LRRN2: variants seen among roughly 807,000 people sequenced by gnomAD.
LRRN2 encodes leucine rich repeat neuronal 2.
In LRRN2, 10 loss-of-function variants were observed where a neutral mutation model predicts 35.7. The ratio of observed to expected loss-of-function variants is 0.28; its 90% CI spans 0.17 to 0.47. The LOEUF is 0.47. Among genes scored for constraint, LRRN2 ranks in the 20% least tolerant of loss-of-function variants. The pLI, the probability that LRRN2 is intolerant of heterozygous loss-of-function variation, is 0.99. For missense variants in LRRN2, 731 were observed against 940.3 expected, an observed-to-expected ratio of 0.78 and a Z score of 2.91; for synonymous variants, 391 against 409.6, an observed-to-expected ratio of 0.95 and a Z score of 0.55.
At chr1:204,681,113 C>T (rs535247147) in intron 1 of LRRN2, among the ~76,000 whole-genome samples, 9 of 152,220 alleles carry the variant, frequency 5.9e-5, no homozygotes, top group Admixed American at 2.6e-4. Flanking sequence ...TGTGCCACCA[C>T]GCCCGGCTAA....
At chr1:204,646,272 T>A (rs2772227) in intron 1 of LRRN2, among the ~76,000 whole-genome samples, 118,953 of 152,180 alleles carry the variant, frequency 0.78, 47,392 homozygotes, top group African/African-American at 0.93. Flanking sequence ...TCAGAAATAC[T>A]TGACCTGACA....
At chr1:204,684,102 G>A (rs1669013850) in intron 1 of LRRN2, among the ~76,000 whole-genome samples, 2 of 152,188 alleles carry the variant, frequency 1.3e-5, no homozygotes. Flanking sequence ...AGGGGGGCAC[G>A]GAGCCTGCCA....
At position 204,617,657 on chromosome 1, in the gene LRRN2, GA is replaced by G; in HGVS notation, c.*193del. The G allele has an allele frequency of 1.6e-6, 1 of 628,426 alleles. No homozygotes were observed. The highest frequency in any genetic ancestry group is 2.7e-5 in the East Asian group (1 of 36,888). The allele number at this position is 628,426 out of a possible 1,614,324, so 38.9% of individuals were successfully genotyped here. On this transcript the variant is annotated 3_prime_UTR_variant, in exon 2 of 2. Transcript: ENST00000367177. ...AGAATGGCAGCAGAGGTGACCCTAG[GA>G]GGTAAGGGCAACTTTTTCGAGGCTG...
At chr1:204,656,726 C>A (rs972255602) in intron 1 of LRRN2, among the ~76,000 whole-genome samples, 1 of 152,326 alleles carries the variant, frequency 6.6e-6, no homozygotes, top group Admixed American at 6.5e-5. Context: ...GCGTCTAGGG[C>A]TGCTGTTGAG....
At chr1:204,679,583 G>T (rs1358063686) in intron 1 of LRRN2, among the ~76,000 whole-genome samples, 1 of 152,162 alleles carries the variant, frequency 6.6e-6, no homozygotes, top group Non-Finnish European at 1.5e-5. Flanking sequence ...TTGTAAATAG[G>T]AACAATTGTA....
Position 204,617,722 on chromosome 1 carries a change from G to T in LRRN2, c.*129C>A. On this transcript the variant is annotated 3_prime_UTR_variant, in exon 2 of 2. Transcript: ENST00000367177. Reference sequence around the variant, plus strand: ...AGGGCCACAAAGCCCCATCTGTCTTGGCCCAGCTGCCAGGCCTCAAGCACG... The same window carrying T: ...AGGGCCACAAAGCCCCATCTGTCTTTGCCCAGCTGCCAGGCCTCAAGCACG... 2.8e-6 allele frequency: 3 copies of T among 1,065,528 alleles called. No individual in the cohort carries two copies. Among genetic ancestry groups the T allele is most frequent in the Non-Finnish European group, 4.2e-6 (3 of 710,118 alleles). 66.0% of individuals were successfully genotyped at this position (1,065,528 alleles called of 1,614,324 possible). A position where few individuals can be genotyped will look rare whatever the true frequency, so the allele number is the denominator to read the frequency against.
At position 204,618,370 on chromosome 1, in the gene LRRN2, G is replaced by C. The variant is rs770736108; in HGVS notation, c.1623C>G (p.Ile541Met). ...TGGGTGGGGTGACCCAAGATAGCAG[G>C]ATGTGATAGGGGTGGGTCTCCTGCA... ...LRVQETHPYH[I>M]LLSWVTPPNT... Residue 541 changes from isoleucine (I) to methionine (M), a missense_variant, in exon 2 of 2, where the codon ATC becomes ATG. By Grantham distance (10) the Ile-to-Met change is conservative. Transcript: ENST00000367177. 12 of 1,606,024 alleles carry C rather than the reference G, an allele frequency of 7.5e-6. No homozygotes were observed. The highest frequency in any genetic ancestry group is 9.4e-6 in the Non-Finnish European group (11 of 1,175,224).
intron 1 of LRRN2, among the ~76,000 whole-genome samples, chr1:204,675,942 G>A (rs1472332424): frequency 6.6e-6 from 1 of 152,198 alleles, no homozygotes; most frequent in African/African-American, 2.4e-5. Context: ...GCAGGCTTAG[G>A]CTGTTTTGTG....
chr1:204,633,132 T>G (rs1667751705), intron 1 of LRRN2: 1 of 151,674 alleles, frequency 6.6e-6, no homozygotes, highest in Non-Finnish European at 1.5e-5. Context: ...TTTTTTTTTT[T>G]GGTCTGTCTA....
chr1:204,661,104 A>AT (rs1300897672), intron 1 of LRRN2, among the ~76,000 whole-genome samples: 1 of 152,074 alleles, frequency 6.6e-6, no homozygotes, highest in African/African-American at 2.4e-5. Context: ...TGATTGATTA[A>AT]TTTTTTTCTC....
intron 1 of LRRN2, chr1:204,663,896 G>A (rs1668519661): frequency 6.6e-6 from 1 of 152,178 alleles, no homozygotes; most frequent in East Asian, 1.9e-4. Flanking sequence ...AGTGCACAGG[G>A]AACAATGGAG....
intron 1 of LRRN2, among the ~76,000 whole-genome samples, chr1:204,669,772 C>T (rs1314003270): frequency 2.0e-5 from 3 of 152,134 alleles, no homozygotes; most frequent in Admixed American, 2.0e-4. Context: ...GTGCAGAGTG[C>T]AGAGCATGAG....
intron 1 of LRRN2, among the ~76,000 whole-genome samples, chr1:204,682,665 A>G (rs1277104729): frequency 6.6e-6 from 1 of 152,222 alleles, no homozygotes; most frequent in Non-Finnish European, 1.5e-5. Context: ...ATAGGTATTC[A>G]ATAATAAATT....
intron 1 of LRRN2, among the ~76,000 whole-genome samples, chr1:204,652,009 T>G (rs1668236528): frequency 6.6e-6 from 1 of 152,214 alleles, no homozygotes; most frequent in South Asian, 2.1e-4. Context: ...CTGCTGTGGC[T>G]TTCCCCAGTG....
chr1:204,631,130 G>T (rs1477456351), intron 1 of LRRN2, among the ~76,000 whole-genome samples: 2 of 149,662 alleles, frequency 1.3e-5, no homozygotes, highest in Non-Finnish European at 3.0e-5. Context: ...ACCTGTGTTT[G>T]AACAAGCTCT....
intron 1 of LRRN2, among the ~76,000 whole-genome samples, chr1:204,651,599 TC>T (rs1558415386): frequency 1.3e-5 from 2 of 151,826 alleles, no homozygotes; most frequent in East Asian, 3.9e-4. Flanking sequence ...AAGTCCTGCA[TC>T]CCCCCAAAAC....
chr1:204,649,908 C>A (rs550593560), intron 1 of LRRN2, among the ~76,000 whole-genome samples: 21 of 152,166 alleles, frequency 1.4e-4, no homozygotes, highest in Non-Finnish European at 2.8e-4. Context: ...AAGCAGGGTC[C>A]CCAGAGACTG....
chr1:204,657,341 T>TACACACACACACACACACAC (rs34779515), intron 1 of LRRN2, among the ~76,000 whole-genome samples: 27 of 147,058 alleles, frequency 1.8e-4, no homozygotes, highest in African/African-American at 4.0e-4. Context: ...TATGTATATA[T>TACACACACACACACACACAC]ACACACACAC....
intron 1 of LRRN2, among the ~76,000 whole-genome samples, chr1:204,639,326 T>C (rs1389400322): frequency 2.0e-5 from 3 of 152,212 alleles, no homozygotes; most frequent in African/African-American, 7.2e-5. Flanking sequence ...TGGGCTCAGT[T>C]TCCTCAATTC....
Sources: allele counts gnomAD v4.1 joint callset (sites outside exome capture counted in the v4.1 genomes callset), GRCh38; gene constraint gnomAD v4.1.1; transcripts MANE v1.5; gene names NCBI Gene and HGNC (gene_info 2026-07-23, HGNC 2026-07-21).